Variants in BRINP1 observed in about 807,000 individuals in gnomAD.
BRINP1 encodes the protein BMP/retinoic acid inducible neural specific 1.
BRINP1 carries 17 observed loss-of-function variants against 72.9 expected under a neutral mutation model. The ratio of observed to expected loss-of-function variants is 0.23; its 90% CI spans 0.16 to 0.35. The LOEUF is 0.35. Ranked by LOEUF, BRINP1 falls within the 10% of genes least tolerant of loss-of-function variation. The pLI is 1.00. For synonymous variants in BRINP1, 418 were observed against 378.5 expected (o/e 1.10, Z -1.21); for missense variants, 850 against 1,001.6 (o/e 0.85, Z 2.04).
intron 2 of BRINP1, among the ~76,000 whole-genome samples, chr9:119,254,108 T>C (rs1213250883): frequency 6.6e-6 from 1 of 152,204 alleles, no homozygotes; most frequent in Non-Finnish European, 1.5e-5. Context: ...GTTGATTACA[T>C]ATTCGAAATT....
intron 4 of BRINP1, among the ~76,000 whole-genome samples, chr9:119,239,388 T>C (rs1383152347): frequency 2.0e-5 from 3 of 152,252 alleles, no homozygotes; most frequent in African/African-American, 7.2e-5. Context: ...AATGACCCAA[T>C]CCTGTGGATG....
chr9:119,253,932 G>T (rs911974240), intron 2 of BRINP1, among the ~76,000 whole-genome samples: 1 of 152,116 alleles, frequency 6.6e-6, no homozygotes, highest in Non-Finnish European at 1.5e-5. Context: ...TTTGAAGATA[G>T]GTTTATGTGG....
At chr9:119,259,438 T>G (rs1424650360) in intron 2 of BRINP1, among the ~76,000 whole-genome samples, 1 of 152,200 alleles carries the variant, frequency 6.6e-6, no homozygotes, top group Non-Finnish European at 1.5e-5. Context: ...ACACATAACT[T>G]TTAATGGATA....
chr9:119,217,384 A>C (rs1564219815), intron 5 of BRINP1, among the ~76,000 whole-genome samples: 3 of 152,010 alleles, frequency 2.0e-5, no homozygotes, highest in Non-Finnish European at 2.9e-5. Flanking sequence ...AAAACTGAGA[A>C]AATGAGAGAG....
chr9:119,323,154 G>A (rs1831206389), intron 1 of BRINP1, among the ~76,000 whole-genome samples: 1 of 152,130 alleles, frequency 6.6e-6, no homozygotes, highest in African/African-American at 2.4e-5. Context: ...TGGGCAGAAT[G>A]GGGTATAGAG....
intron 7 of BRINP1, among the ~76,000 whole-genome samples, chr9:119,198,321 T>C (rs1053670050): frequency 1.3e-5 from 2 of 152,370 alleles, no homozygotes; most frequent in East Asian, 1.9e-4. Context: ...CATTTTGCTA[T>C]GTGTTAACCC....
At chr9:119,299,211 C>A (rs185059569) in intron 2 of BRINP1, among the ~76,000 whole-genome samples, 1 of 152,050 alleles carries the variant, frequency 6.6e-6, no homozygotes, top group East Asian at 1.9e-4. Context: ...ATTTTGTATC[C>A]TTTGACAAAC....
chr9:119,255,208 T>C (rs1830434000), intron 2 of BRINP1, among the ~76,000 whole-genome samples: 1 of 152,228 alleles, frequency 6.6e-6, no homozygotes, highest in Non-Finnish European at 1.5e-5. Flanking sequence ...ACATAAAATA[T>C]ATCTTTCCTT....
chr9:119,195,193 G>A (rs1356856470), intron 7 of BRINP1, among the ~76,000 whole-genome samples: 1 of 152,022 alleles, frequency 6.6e-6, no homozygotes, highest in Non-Finnish European at 1.5e-5. Context: ...TGTGAACAGG[G>A]GCACTCATTG....
At chr9:119,199,569 G>A (rs762296377) in intron 7 of BRINP1, among the ~76,000 whole-genome samples, 2 of 152,190 alleles carry the variant, frequency 1.3e-5, no homozygotes, top group African/African-American at 4.8e-5. Flanking sequence ...GAAGTAAAAA[G>A]AAATCAAAGA....
At chr9:119,169,652 C>G (rs1829375992) in intron 7 of BRINP1, among the ~76,000 whole-genome samples, 2 of 152,232 alleles carry the variant, frequency 1.3e-5, no homozygotes, top group Admixed American at 6.5e-5. Context: ...GCCTGCCTGC[C>G]TCTGTAGGCT....
intron 5 of BRINP1, among the ~76,000 whole-genome samples, chr9:119,216,103 G>T (rs1564219397): frequency 6.6e-6 from 1 of 152,220 alleles, no homozygotes; most frequent in Non-Finnish European, 1.5e-5. Context: ...CGATATTGAT[G>T]ATGATGCCAC....
At chr9:119,258,277 A>G (rs1340732330) in intron 2 of BRINP1, among the ~76,000 whole-genome samples, 1 of 152,194 alleles carries the variant, frequency 6.6e-6, no homozygotes, top group Admixed American at 6.5e-5. Flanking sequence ...CTCATTGCAC[A>G]TAAACTTGAG....
Position 119,167,913 on chromosome 9 carries a change from A to C in BRINP1, c.1457T>G (p.Leu486Arg). The change falls in exon 8 of 8, where the codon CTG (leucine) becomes CGG (arginine). Residue 486 changes from leucine (L) to arginine (R), a missense_variant. Leu to Arg is a moderately radical substitution (Grantham distance 102). Transcript: ENST00000265922. The surrounding 1 kb of genome is among the most constrained non-coding windows in gnomAD (Gnocchi z 4.3). Reference sequence around the variant, plus strand: ...CTTCTGCAGCAGGTACTTCAGCTCCAGGTCCTGGAAGTCCAGGTCAGTCTC... The same window carrying C: ...CTTCTGCAGCAGGTACTTCAGCTCCCGGTCCTGGAAGTCCAGGTCAGTCTC... ...SFETDLDFQD[L>R]ELKYLLQKMD... 1.2e-6 allele frequency: 2 copies of C among 1,614,214 alleles called. No homozygotes were observed. Among genetic ancestry groups the C allele is most frequent in the Non-Finnish European group, 1.7e-6 (2 of 1,180,036 alleles).
intron 1 of BRINP1, among the ~76,000 whole-genome samples, chr9:119,363,480 C>T (rs1831656445): frequency 1.3e-5 from 2 of 152,184 alleles, no homozygotes; most frequent in Admixed American, 1.3e-4. Flanking sequence ...TCATTTAAGC[C>T]TCAGTTCCAA....
intron 2 of BRINP1, among the ~76,000 whole-genome samples, chr9:119,298,087 A>G (rs904806624): frequency 3.3e-5 from 5 of 152,232 alleles, no homozygotes; most frequent in Non-Finnish European, 5.9e-5. Context: ...GACATCTAAC[A>G]GTCCGTCTCC....
chr9:119,351,049 C>A (rs946095547), intron 1 of BRINP1, among the ~76,000 whole-genome samples: 2 of 151,988 alleles, frequency 1.3e-5, no homozygotes, highest in Non-Finnish European at 2.9e-5. Context: ...GGTATTTGTC[C>A]TAATGTTCTC....
chr9:119,335,847 C>G (rs547997185), intron 1 of BRINP1, among the ~76,000 whole-genome samples: 1 of 152,352 alleles, frequency 6.6e-6, no homozygotes, highest in African/African-American at 2.4e-5. Flanking sequence ...AGCCTTCTAC[C>G]TTCAGGAGGT....
At chr9:119,231,230 T>C (rs10818289) in intron 5 of BRINP1, among the ~76,000 whole-genome samples, 65,341 of 151,788 alleles carry the variant, frequency 0.43, 14,648 homozygotes, top group East Asian at 0.68. Context: ...GTCTCCATTA[T>C]CACATGTACA....
Sources: allele counts gnomAD v4.1 joint callset (sites outside exome capture counted in the v4.1 genomes callset), GRCh38; gene constraint gnomAD v4.1.1; non-coding constraint Gnocchi (gnomAD v3.1); transcripts MANE v1.5; gene names NCBI Gene and HGNC (gene_info 2026-07-23, HGNC 2026-07-21).